Variants in SPAG16 observed in about 807,000 individuals in gnomAD.
SPAG16 encodes the protein sperm-associated antigen 16 protein.
A neutral mutation model predicts 80.4 loss-of-function variants in SPAG16; 86 were observed. The observed-to-expected ratio is 1.07, with a 90% CI of 0.90 to 1.28. The LOEUF (loss-of-function observed/expected upper bound fraction) is 1.28, where lower values mean the gene tolerates loss of function less well. Ranked by LOEUF, SPAG16 falls within the 50% of genes most tolerant of loss-of-function variation. The probability of loss-of-function intolerance (pLI) is 0.00; values close to 1 mark genes in which losing one functional copy is unlikely to be tolerated. For missense variants in SPAG16, 870 were observed against 765.3 expected, an observed-to-expected ratio of 1.14 and a Z score of -1.61; for synonymous variants, 294 against 265.9, an observed-to-expected ratio of 1.11 and a Z score of -1.03.
At chr2:214,107,556 C>T (rs142422878) in intron 13 of SPAG16, among the ~76,000 whole-genome samples, 195 of 152,072 alleles carry the variant, frequency 1.3e-3, no homozygotes, top group Admixed American at 2.4e-3. Flanking sequence ...CCATCTTTCC[C>T]GGAAACATTT....
At chr2:213,520,584 A>C (rs577185880) in intron 10 of SPAG16, among the ~76,000 whole-genome samples, 2 of 152,176 alleles carry the variant, frequency 1.3e-5, no homozygotes, top group Admixed American at 1.3e-4. Flanking sequence ...ACAGAGCAAG[A>C]CTCCATCTCA....
intron 10 of SPAG16, among the ~76,000 whole-genome samples, chr2:213,697,155 T>C (rs949893520): frequency 6.6e-6 from 1 of 152,066 alleles, no homozygotes; most frequent in East Asian, 1.9e-4. Context: ...AATTTTGTGA[T>C]GAAAACAAGG....
intron 10 of SPAG16, among the ~76,000 whole-genome samples, chr2:213,520,047 G>C (rs1197717822): frequency 6.6e-6 from 1 of 150,910 alleles, no homozygotes; most frequent in Non-Finnish European, 1.5e-5. Context: ...ACACACGAGA[G>C]AGAGAGAGAA....
intron 15 of SPAG16, among the ~76,000 whole-genome samples, chr2:214,248,956 G>T (rs1205361385): frequency 6.6e-6 from 1 of 152,058 alleles, no homozygotes; most frequent in African/African-American, 2.4e-5. Context: ...AAAGTTTTAA[G>T]GCAAGAATAG....
intron 12 of SPAG16, among the ~76,000 whole-genome samples, chr2:213,980,860 G>T (rs2045711353): frequency 6.7e-6 from 1 of 148,252 alleles, no homozygotes; most frequent in South Asian, 2.2e-4. Context: ...AGTGAGCCGA[G>T]ATCACACCAC....
chr2:213,705,292 G>A (rs1448578193), intron 10 of SPAG16, among the ~76,000 whole-genome samples: 1 of 151,476 alleles, frequency 6.6e-6, no homozygotes, highest in Admixed American at 6.6e-5. Flanking sequence ...GGAAGGGAGG[G>A]AGGGAGGAAG....
At chr2:213,336,161 T>C (rs2064349606) in intron 5 of SPAG16, among the ~76,000 whole-genome samples, 1 of 152,154 alleles carries the variant, frequency 6.6e-6, no homozygotes, top group Non-Finnish European at 1.5e-5. Context: ...AAACCTTGCT[T>C]TTGTCATGGA....
At chr2:213,802,688 A>T (rs1409846526) in intron 10 of SPAG16, among the ~76,000 whole-genome samples, 1 of 152,190 alleles carries the variant, frequency 6.6e-6, no homozygotes, top group Admixed American at 6.5e-5. Context: ...TTCATGATTT[A>T]AAAAAGGAAC....
At chr2:213,595,995 A>G (rs2060874513) in intron 10 of SPAG16, among the ~76,000 whole-genome samples, 1 of 152,100 alleles carries the variant, frequency 6.6e-6, no homozygotes, top group South Asian at 2.1e-4. Context: ...ATCCTGTGTC[A>G]GTCTGCTCTA....
At chr2:213,399,294 C>T (rs1251645962) in intron 9 of SPAG16, among the ~76,000 whole-genome samples, 2 of 151,628 alleles carry the variant, frequency 1.3e-5, no homozygotes, top group Admixed American at 6.6e-5. Flanking sequence ...AATTTGTTTT[C>T]CTTTGATATT....
chr2:214,087,981 T>G (rs1037752128), intron 13 of SPAG16, among the ~76,000 whole-genome samples: 1 of 152,034 alleles, frequency 6.6e-6, no homozygotes, highest in Admixed American at 6.6e-5. Context: ...CAAAGGACAT[T>G]TACTTTAAAA....
intron 13 of SPAG16, among the ~76,000 whole-genome samples, chr2:214,036,722 A>G (rs1055229921): frequency 6.6e-6 from 1 of 152,224 alleles, no homozygotes; most frequent in Non-Finnish European, 1.5e-5. Context: ...AAGTAGGGTC[A>G]GTGTTACTAA....
At chr2:214,129,075 CT>C (rs990140273) in intron 14 of SPAG16, among the ~76,000 whole-genome samples, 1 of 150,310 alleles carries the variant, frequency 6.7e-6, no homozygotes, top group Admixed American at 7.4e-5. Context: ...TCCTAGGCCC[CT>C]AAGTAATTTC....
At chr2:213,414,986 A>T (rs1268124158) in intron 9 of SPAG16, among the ~76,000 whole-genome samples, 1 of 152,354 alleles carries the variant, frequency 6.6e-6, no homozygotes, top group East Asian at 1.9e-4. Context: ...ATCCCATGTC[A>T]TGAGACTTAT....
At chr2:213,759,629 A>T (rs2068539351) in intron 10 of SPAG16, among the ~76,000 whole-genome samples, 1 of 152,178 alleles carries the variant, frequency 6.6e-6, no homozygotes. Flanking sequence ...AAATAGCTAT[A>T]TACAAGGAAA....
chr2:214,220,122 A>G (rs1292372757), intron 15 of SPAG16, among the ~76,000 whole-genome samples: 2 of 152,146 alleles, frequency 1.3e-5, no homozygotes. Context: ...TAAAAATAGA[A>G]GACTGTAAAT....
intron 10 of SPAG16, among the ~76,000 whole-genome samples, chr2:213,616,891 A>G (rs951022281): frequency 1.3e-5 from 2 of 152,202 alleles, no homozygotes; most frequent in Non-Finnish European, 2.9e-5. Flanking sequence ...TATTGGGAAT[A>G]GGAAGGAATG....
At chr2:214,193,436 A>AT (rs2057731164) in intron 15 of SPAG16, among the ~76,000 whole-genome samples, 11 of 132,528 alleles carry the variant, frequency 8.3e-5, no homozygotes, top group South Asian at 4.7e-4. Flanking sequence ...TGAGAGAGAG[A>AT]GAGAGAGAGA....
intron 15 of SPAG16, among the ~76,000 whole-genome samples, chr2:214,269,725 G>T (rs1436062853): frequency 6.6e-6 from 1 of 152,066 alleles, no homozygotes; most frequent in East Asian, 1.9e-4. Context: ...GGAGATCTTT[G>T]CCAGGTACTT....
Sources: allele counts gnomAD v4.1 joint callset (sites outside exome capture counted in the v4.1 genomes callset), GRCh38; gene constraint gnomAD v4.1.1; transcripts MANE v1.5; gene names NCBI Gene and HGNC (gene_info 2026-07-23, HGNC 2026-07-21).